GRIK2: variants seen among roughly 807,000 people sequenced by gnomAD.
GRIK2 encodes the protein glutamate ionotropic receptor kainate type subunit 2, also known as glutamate receptor ionotropic, kainate 2.
Under a neutral mutation model 100.3 loss-of-function variants are expected in GRIK2, and 32 were observed. That is an observed-to-expected ratio of 0.32 (90% CI 0.24 to 0.43). The LOEUF is 0.43. GRIK2 is among the 20% of genes least tolerant of loss of function. GRIK2 has a pLI of 1.00. For missense variants in GRIK2, 843 were observed against 1,114.9 expected (o/e 0.76, Z 3.47); for synonymous variants, 417 against 389.4 (o/e 1.07, Z -0.83).
chr6:101,889,091 G>A (rs547508316), intron 11 of GRIK2, among the ~76,000 whole-genome samples: 1 of 152,038 alleles, frequency 6.6e-6, no homozygotes, highest in African/African-American at 2.4e-5. Flanking sequence ...AAATTCAGAG[G>A]TAGTAAACAG....
chr6:101,763,203 G>A (rs1252366667), intron 7 of GRIK2, among the ~76,000 whole-genome samples: 2 of 152,184 alleles, frequency 1.3e-5, no homozygotes, highest in Non-Finnish European at 2.9e-5. Context: ...CTACTGCTTT[G>A]ATTTGATGAC....
chr6:101,465,283 T>A (rs1469381502), intron 2 of GRIK2, among the ~76,000 whole-genome samples: 1 of 152,100 alleles, frequency 6.6e-6, no homozygotes, highest in Non-Finnish European at 1.5e-5. Flanking sequence ...CTTCCCATCC[T>A]TCCAAGTCTC....
intron 4 of GRIK2, among the ~76,000 whole-genome samples, chr6:101,671,035 T>C (rs2128337893): frequency 6.6e-6 from 1 of 152,308 alleles, no homozygotes; most frequent in Non-Finnish European, 1.5e-5. Flanking sequence ...CACAAAATCT[T>C]GTGAGGTAAG....
chr6:101,880,660 A>C (rs1786183428), intron 11 of GRIK2, among the ~76,000 whole-genome samples: 1 of 152,040 alleles, frequency 6.6e-6, no homozygotes, highest in Non-Finnish European at 1.5e-5. Flanking sequence ...GGGATATTTA[A>C]CATTTTTATA....
chr6:101,574,476 T>A (rs1040205506), intron 2 of GRIK2, among the ~76,000 whole-genome samples: 4 of 151,000 alleles, frequency 2.6e-5, no homozygotes, highest in Non-Finnish European at 5.9e-5. Flanking sequence ...CCCTTTTTTT[T>A]AAGAAGGAAA....
At chr6:101,496,663 T>C (rs951886831) in intron 2 of GRIK2, among the ~76,000 whole-genome samples, 1 of 152,208 alleles carries the variant, frequency 6.6e-6, no homozygotes, top group African/African-American at 2.4e-5. Flanking sequence ...GAAATATAAC[T>C]TATAACTTTC....
At chr6:101,810,738 CAACT>C (rs34245111) in intron 9 of GRIK2, among the ~76,000 whole-genome samples, 16,512 of 151,918 alleles carry the variant, frequency 0.11, 1,886 homozygotes, top group East Asian at 0.65. Flanking sequence ...GACGGTAATG[CAACT>C]AACTATCTCT....
intron 14 of GRIK2, chr6:101,993,150 C>T (rs1754268258): frequency 6.6e-6 from 1 of 150,938 alleles, no homozygotes; most frequent in Non-Finnish European, 1.5e-5. Flanking sequence ...CATTCTTACT[C>T]TACATATTCT....
chr6:101,984,537 G>C (rs1793904187), intron 14 of GRIK2, among the ~76,000 whole-genome samples: 1 of 150,346 alleles, frequency 6.7e-6, no homozygotes, highest in East Asian at 2.0e-4. Context: ...CAGTTACTTA[G>C]GAAGAATTAA....
chr6:101,522,833 CTACATCTGCTTT>C (rs1774946279), intron 2 of GRIK2, among the ~76,000 whole-genome samples: 1 of 151,798 alleles, frequency 6.6e-6, no homozygotes, highest in Non-Finnish European at 1.5e-5. Context: ...ACTTCTGTGA[CTACATCTGCTTT>C]TTCTCTCCAC....
intron 14 of GRIK2, among the ~76,000 whole-genome samples, chr6:102,015,517 C>T (rs2114336941): frequency 6.6e-6 from 1 of 152,324 alleles, no homozygotes; most frequent in South Asian, 2.1e-4. Context: ...GCTACGAGTA[C>T]AGATGTGCAA....
chr6:101,686,552 C>T (rs559203639), intron 7 of GRIK2, among the ~76,000 whole-genome samples, 199 bp downstream of exon 7: 1 of 152,200 alleles, frequency 6.6e-6, no homozygotes, highest in African/African-American at 2.4e-5. Flanking sequence ...ATGCTTCCAT[C>T]CAAGTATCTC....
chr6:101,682,481 GT>G (rs531023519), intron 5 of GRIK2, 71 bp from the exon 6 acceptor site: 1 of 748,908 alleles, frequency 1.3e-6, no homozygotes, highest in South Asian at 1.5e-5. Context: ...ACTATATTTT[GT>G]TCTCACTTGA....
chr6:101,611,507 C>A (rs1046565243), intron 2 of GRIK2, among the ~76,000 whole-genome samples: 2 of 151,728 alleles, frequency 1.3e-5, no homozygotes, highest in African/African-American at 2.4e-5. Flanking sequence ...TTTTATTTCA[C>A]CTGAAATATT....
chr6:101,744,558 A>ATATC (rs751011648), intron 7 of GRIK2: 19 of 115,026 alleles, frequency 1.7e-4, no homozygotes, highest in African/African-American at 4.1e-4. Flanking sequence ...ATATATATAT[A>ATATC]TCACAATTTC....
chr6:101,627,759 G>C (rs1189854091), intron 4 of GRIK2, among the ~76,000 whole-genome samples: 1 of 152,118 alleles, frequency 6.6e-6, no homozygotes, highest in Non-Finnish European at 1.5e-5. Flanking sequence ...ATTTATTTCA[G>C]TGAGTTAAAG....
intron 1 of GRIK2, 81 bp from the exon 2 acceptor site, chr6:101,398,904 G>A (rs1346270047): frequency 1.2e-5 from 5 of 423,152 alleles, no homozygotes; most frequent in African/African-American, 2.0e-5. Flanking sequence ...CTTTTGTGCC[G>A]GGCTGTGGCT....
chr6:102,048,931 C>A (rs768056008), intron 15 of GRIK2, among the ~76,000 whole-genome samples: 37 of 151,774 alleles, frequency 2.4e-4, no homozygotes, highest in Non-Finnish European at 4.9e-4. Flanking sequence ...GAAAAAAAAG[C>A]AATACCCAGT....
Position 101,799,583 on chromosome 6 carries a change from A to C in GRIK2, c.952-65A>C. ...TTACCTCTTCCCTCTTCCTCCTTGC[A>C]AACCATCTACCACAAGTTCTACAAG... On this transcript the variant is annotated intron_variant, in intron 7 of 16. Coordinates refer to ENST00000369134, the MANE Select transcript of GRIK2 (RefSeq NM_021956.5). 1.8e-5 allele frequency: 24 copies of C among 1,341,658 alleles called. 1 individual carries two copies. In the South Asian group the frequency reaches 2.8e-4, roughly 16 times the overall value. The allele number at this position is 1,341,658 out of a possible 1,614,324, so 83.1% of individuals were successfully genotyped here. A position where few individuals can be genotyped will look rare whatever the true frequency, so the allele number is the denominator to read the frequency against.
Sources: allele counts gnomAD v4.1 joint callset (sites outside exome capture counted in the v4.1 genomes callset), GRCh38; gene constraint gnomAD v4.1.1; transcripts MANE v1.5; gene names NCBI Gene and HGNC (gene_info 2026-07-23, HGNC 2026-07-21).